The following AFDN variants were observed in gnomAD, a reference collection of about 807,000 sequenced individuals.
AFDN encodes afadin, adherens junction formation factor, also known as afadin.
Under a neutral mutation model 216.6 loss-of-function variants are expected in AFDN, and 68 were observed. The observed-to-expected ratio is 0.31, with a 90% CI of 0.26 to 0.38. AFDN has a LOEUF of 0.38. Among genes scored for constraint, AFDN ranks in the 10% least tolerant of loss-of-function variants. The pLI is 1.00. For missense variants in AFDN, 2,136 were observed against 2,342.0 expected (o/e 0.91, Z 1.82); for synonymous variants, 868 against 853.7 (o/e 1.02, Z -0.29).
At chr6:167,902,465 T>A in intron 12 of AFDN, 79 bp downstream of exon 12, 1 of 1,053,632 alleles carries the variant, frequency 9.5e-7, no homozygotes, top group Non-Finnish European at 1.5e-6. Context: ...GTGGGGGATG[T>A]GTTCCCCTTA....
chr6:167,967,479 C>T (rs970532401), intron 32 of AFDN, among the ~76,000 whole-genome samples: 17 of 152,104 alleles, frequency 1.1e-4, no homozygotes, highest in African/African-American at 4.1e-4. Context: ...AATTTGGTAC[C>T]TTTTAGAGAA....
chr6:167,947,445 C>T (rs1383016852), intron 27 of AFDN, among the ~76,000 whole-genome samples: 2 of 152,162 alleles, frequency 1.3e-5, no homozygotes, highest in South Asian at 4.1e-4. Context: ...TCCCAAAGTG[C>T]TGGGATTACA....
chr6:167,960,356 TAAG>T (rs1796917677), intron 30 of AFDN, among the ~76,000 whole-genome samples: 1 of 151,954 alleles, frequency 6.6e-6, no homozygotes, highest in Non-Finnish European at 1.5e-5. Flanking sequence ...TAGAGGTTTT[TAAG>T]AAGAAAATGC....
intron 4 of AFDN, 144 bp from the exon 5 acceptor site, chr6:167,875,191 G>A (rs913105094): frequency 9.3e-6 from 6 of 643,892 alleles, no homozygotes; most frequent in Non-Finnish European, 1.6e-5. Flanking sequence ...TAATTAGCAT[G>A]TGGTAAATAG....
chr6:167,947,471 G>A (rs201791684), intron 27 of AFDN, among the ~76,000 whole-genome samples: 1 of 152,096 alleles, frequency 6.6e-6, no homozygotes, highest in East Asian at 1.9e-4. Flanking sequence ...GAGCCACCAT[G>A]CCCAGCCAAT....
chr6:167,917,742 GT>G (rs1462333655), intron 20 of AFDN, among the ~76,000 whole-genome samples: 1 of 152,236 alleles, frequency 6.6e-6, no homozygotes, highest in African/African-American at 2.4e-5. Context: ...AATTATGTAT[GT>G]GGATGGATGG....
chr6:167,884,592 A>AT (rs936237920), intron 6 of AFDN, among the ~76,000 whole-genome samples: 12 of 151,264 alleles, frequency 7.9e-5, no homozygotes, highest in Non-Finnish European at 8.9e-5. Context: ...AAGGGTTCTT[A>AT]TTTTTTTTTC....
In AFDN at chr6:167,836,020, C is replaced by T. The variant is rs568707747; in HGVS notation, c.105+8783C>T. The stretch of plus-strand genomic sequence containing the variant: ...AGTATACATTTCAACATTTATTTTA[C>T]GCATTATATATTTTCTGTATTTATA... On this transcript the variant is annotated intron_variant, in intron 1 of 33. Transcript: ENST00000683244. 1.3e-4 allele frequency among the ~76,000 whole-genome samples: 20 copies of T among 152,262 alleles called. No homozygotes were observed. In the South Asian group the frequency reaches 3.3e-3, roughly 25 times the overall value.
intron 1 of AFDN, among the ~76,000 whole-genome samples, chr6:167,856,922 AG>A (rs1170674829): frequency 3.9e-5 from 6 of 152,272 alleles, no homozygotes; most frequent in African/African-American, 1.4e-4. Flanking sequence ...AAAATTGTAT[AG>A]TTTTGTTGTC....
chr6:167,860,737 G>A (rs562177812), intron 1 of AFDN, among the ~76,000 whole-genome samples: 201 of 152,324 alleles, frequency 1.3e-3, no homozygotes, highest in Middle Eastern at 3.4e-3. Flanking sequence ...ATGTCTAGAC[G>A]TGGTGGATGA....
chr6:167,895,616 A>G (rs147969605), intron 9 of AFDN, among the ~76,000 whole-genome samples: 96 of 152,294 alleles, frequency 6.3e-4, no homozygotes, highest in African/African-American at 2.3e-3. Flanking sequence ...TGTGTACCCT[A>G]AAATTAACAT....
Position 167,890,847 on chromosome 6 carries a change from A to G in AFDN, c.1010-15A>G. ...ACCTGAGTCTGCCTGATGATTTCCC[A>G]TGCTGCTGTTCTAGGGATTTTAGTC... On this transcript the variant is annotated splice_polypyrimidine_tract_variant and intron_variant, in intron 7 of 33. Coordinates refer to ENST00000683244, the MANE Select transcript of AFDN (RefSeq NM_001386888.1). 2 of 1,610,632 alleles carry G rather than the reference A, an allele frequency of 1.2e-6. No individual in the cohort carries two copies. Among genetic ancestry groups the G allele is most frequent in the Non-Finnish European group, 1.7e-6 (2 of 1,178,454 alleles).
intron 23 of AFDN, among the ~76,000 whole-genome samples, chr6:167,927,349 T>A (rs2128529106): frequency 6.6e-6 from 1 of 152,230 alleles, no homozygotes; most frequent in African/African-American, 2.4e-5. Flanking sequence ...CACTTTTGGA[T>A]AAGGTGAGAC....
intron 26 of AFDN, among the ~76,000 whole-genome samples, chr6:167,946,370 A>AT (rs533986492): frequency 1.1e-3 from 175 of 152,220 alleles, no homozygotes; most frequent in African/African-American, 3.9e-3. Context: ...AAAAGTTCAG[A>AT]TATTTTTCTA....
chr6:167,923,720 T>C (rs1792125501), intron 22 of AFDN, among the ~76,000 whole-genome samples: 1 of 147,832 alleles, frequency 6.8e-6, no homozygotes, highest in Admixed American at 7.0e-5. Flanking sequence ...GCCTCCTGGG[T>C]TCAAGCGATT....
chr6:167,884,927 C>A (rs2128312571), intron 6 of AFDN, among the ~76,000 whole-genome samples: 1 of 152,292 alleles, frequency 6.6e-6, no homozygotes. Context: ...CATTGAAAAT[C>A]TGTTATTTAG....
chr6:167,934,704 CT>C (rs968387068), intron 23 of AFDN, among the ~76,000 whole-genome samples: 18 of 148,810 alleles, frequency 1.2e-4, no homozygotes, highest in African/African-American at 3.2e-4. Context: ...TCCTCCTGCT[CT>C]TTTTTTTTTG....
At chr6:167,900,732 G>C (rs1049700197) in intron 11 of AFDN, among the ~76,000 whole-genome samples, 15 of 152,234 alleles carry the variant, frequency 9.9e-5, no homozygotes, top group African/African-American at 3.6e-4. Flanking sequence ...GGACACTGCT[G>C]TGTGCAGCTT....
chr6:167,911,154 G>A lies in AFDN; in HGVS notation c.1823G>A (p.Arg608Lys). 6.2e-7 allele frequency: 1 copy of A among 1,613,856 alleles called. No homozygotes were observed. The highest frequency in any genetic ancestry group is 8.5e-7 in the Non-Finnish European group (1 of 1,179,838). ...ATACTACCTGCAAGCATTGAATTCAGGGAAAGTTGTGAGTAATTTCAGATT... is the reference window on the plus strand; with the variant it reads ...ATACTACCTGCAAGCATTGAATTCAAGGAAAGTTGTGAGTAATTTCAGATT... The part of the protein sequence containing the change: ...ELILPASIEF[R>K]ESSEDSFLSA... The change falls in exon 14 of 34, where the codon AGG (arginine) becomes AAG (lysine). Residue 608 changes from arginine to lysine, a missense_variant. Arg to Lys is a conservative substitution (Grantham distance 26). Around this residue, in one of 8 missense-constraint regions of AFDN, gnomAD observed 817 missense variants for 965.7 expected, o/e 0.85. Transcript: ENST00000683244.
Sources: allele counts gnomAD v4.1 joint callset (sites outside exome capture counted in the v4.1 genomes callset), GRCh38; gene constraint gnomAD v4.1.1; regional missense constraint gnomAD v4.1.1; transcripts MANE v1.5; gene names NCBI Gene and HGNC (gene_info 2026-07-23, HGNC 2026-07-21).